The following DPP6 variants were observed in gnomAD, a reference collection of about 807,000 sequenced individuals.
DPP6 encodes the protein A-type potassium channel modulatory protein DPP6.
DPP6 carries 69 observed loss-of-function variants against 122.6 expected under a neutral mutation model. The observed-to-expected ratio is 0.56, with a 90% CI of 0.46 to 0.69. The LOEUF is 0.69. Ranked by LOEUF, DPP6 falls within the 30% of genes least tolerant of loss-of-function variation. The pLI, the probability that DPP6 is intolerant of heterozygous loss-of-function variation, is 0.00. For synonymous variants in DPP6, 418 were observed against 433.1 expected, an observed-to-expected ratio of 0.97 and a Z score of 0.43; for missense variants, 928 against 1,116.9, an observed-to-expected ratio of 0.83 and a Z score of 2.41.
chr7:154,684,089 G>A (rs752472345), intron 7 of DPP6, among the ~76,000 whole-genome samples: 1 of 152,054 alleles, frequency 6.6e-6, no homozygotes, highest in Non-Finnish European at 1.5e-5. Flanking sequence ...AAGCTGGTCT[G>A]GAACTCCTGC....
intron 1 of DPP6, among the ~76,000 whole-genome samples, chr7:154,043,669 GCATT>G (rs1260806439): frequency 3.4e-5 from 5 of 146,178 alleles, no homozygotes; most frequent in African/African-American, 1.3e-4. Flanking sequence ...GGGAAACTCA[GCATT>G]CATTGAGACC....
At chr7:154,215,973 C>T (rs4401762) in intron 1 of DPP6, among the ~76,000 whole-genome samples, 117,262 of 151,828 alleles carry the variant, frequency 0.77, 45,734 homozygotes, top group Non-Finnish European at 0.82. Flanking sequence ...TTCTAAAAGG[C>T]TGCAGAGAGG....
intron 1 of DPP6, among the ~76,000 whole-genome samples, chr7:154,079,059 C>G (rs544770100): frequency 2.4e-4 from 36 of 151,802 alleles, no homozygotes; most frequent in Non-Finnish European, 4.7e-4. Flanking sequence ...GAGATGGAGA[C>G]CATCCTGGCC....
At chr7:153,830,306 G>A in the DPP6 span, among the ~76,000 whole-genome samples, 1 of 152,182 alleles carries the variant, frequency 6.6e-6, no homozygotes, top group Non-Finnish European at 1.5e-5. Flanking sequence ...GCTTGGAAGG[G>A]TTTCAAAGCT....
chr7:154,426,701 CT>C (rs1817943707), intron 1 of DPP6, among the ~76,000 whole-genome samples: 1 of 150,938 alleles, frequency 6.6e-6, no homozygotes, highest in Non-Finnish European at 1.5e-5. Context: ...ACTTGCTGCT[CT>C]GGTTACTTGG....
intron 1 of DPP6, among the ~76,000 whole-genome samples, chr7:154,173,108 A>G (rs1797619012): frequency 6.6e-6 from 1 of 152,186 alleles, no homozygotes. Context: ...CCTCACTAAT[A>G]TCTTTCAGAG....
intron 1 of DPP6, among the ~76,000 whole-genome samples, chr7:154,408,079 T>C (rs1298613232): frequency 6.6e-6 from 1 of 152,194 alleles, no homozygotes; most frequent in Admixed American, 6.5e-5. Context: ...TTGTTAGAAA[T>C]AGTAGTAATA....
the DPP6 span, among the ~76,000 whole-genome samples, chr7:153,871,765 G>A: frequency 6.6e-6 from 1 of 152,130 alleles, no homozygotes; most frequent in African/African-American, 2.4e-5. Flanking sequence ...CTATAGACTG[G>A]AGCTCTTCCT....
chr7:154,239,977 G>A (rs1279371223), intron 1 of DPP6, among the ~76,000 whole-genome samples: 1 of 110,950 alleles, frequency 9.0e-6, no homozygotes, highest in Admixed American at 1.3e-4. Flanking sequence ...GGGAGACAGA[G>A]TAAGATGCTG....
intron 10 of DPP6, among the ~76,000 whole-genome samples, chr7:154,791,220 C>T (rs1290216936): frequency 6.6e-6 from 1 of 151,924 alleles, no homozygotes; most frequent in Non-Finnish European, 1.5e-5. Flanking sequence ...TGCCACTGCA[C>T]TCCAGCCTGG....
At chr7:154,587,972 A>G (rs1832573645) in intron 5 of DPP6, 2 of 1,612,012 alleles carry the variant, frequency 1.2e-6, no homozygotes, top group Admixed American at 1.7e-5. Context: ...GCCCTCAGGC[A>G]GCACTGTCCA....
intron 1 of DPP6, among the ~76,000 whole-genome samples, chr7:154,311,012 C>T (rs1806825329): frequency 2.6e-5 from 4 of 152,072 alleles, no homozygotes; most frequent in South Asian, 2.1e-4. Flanking sequence ...GTATATAATT[C>T]GGGGAGAAAG....
At chr7:154,406,137 G>A (rs1816066784) in intron 1 of DPP6, among the ~76,000 whole-genome samples, 2 of 152,136 alleles carry the variant, frequency 1.3e-5, no homozygotes, top group Non-Finnish European at 2.9e-5. Flanking sequence ...GAAGATTCTT[G>A]TCAAATGTCA....
chr7:154,741,412 C>G (rs1842816989), intron 8 of DPP6, among the ~76,000 whole-genome samples: 1 of 152,228 alleles, frequency 6.6e-6, no homozygotes, highest in Admixed American at 6.5e-5. Flanking sequence ...AGCGCAAGGC[C>G]AAGCTCCATC....
Position 154,232,361 on chromosome 7 carries a change from TCTC to T in DPP6, c.243+179302_243+179304del, listed in dbSNP as rs148241469. 5.6e-3 allele frequency among the ~76,000 whole-genome samples: 853 copies of T among 152,222 alleles called. 12 individuals carry two copies. The highest frequency in any genetic ancestry group is 0.019 in the African/African-American group (801 of 41,538). ...ATTTGGAAGCTCAGGGAGGCAGACT[TCTC>T]CTCTGGAGTGATCATCTACTGATAG... is the stretch of plus-strand genomic sequence containing the variant. On this transcript the variant is annotated intron_variant, in intron 1 of 25. Coordinates refer to ENST00000377770, the MANE Select transcript of DPP6 (RefSeq NM_130797.4).
At chr7:153,839,726 T>TA in the DPP6 span, among the ~76,000 whole-genome samples, 1 of 152,202 alleles carries the variant, frequency 6.6e-6, no homozygotes, top group African/African-American at 2.4e-5. Context: ...ATGGATCCAG[T>TA]GGTTCTCAAC....
intron 5 of DPP6, among the ~76,000 whole-genome samples, chr7:154,619,608 T>G (rs1586746034): frequency 6.6e-6 from 1 of 152,088 alleles, no homozygotes; most frequent in Non-Finnish European, 1.5e-5. Flanking sequence ...TAAAAATTTG[T>G]GAAAGAGCCC....
intron 7 of DPP6, among the ~76,000 whole-genome samples, chr7:154,693,718 C>T (rs768491331): frequency 6.6e-5 from 10 of 152,174 alleles, no homozygotes; most frequent in African/African-American, 1.4e-4. Flanking sequence ...AAAACCCTGA[C>T]GTGTGACATC....
intron 1 of DPP6, among the ~76,000 whole-genome samples, chr7:154,254,939 T>C (rs1239256008): frequency 6.6e-6 from 1 of 151,986 alleles, no homozygotes; most frequent in Admixed American, 6.6e-5. Flanking sequence ...GAAACGCAAA[T>C]TGTATTTCCT....
Sources: gnomAD v4.1 joint callset for allele counts (sites outside exome capture counted in the v4.1 genomes callset) on GRCh38, gnomAD v4.1.1 for gene constraint, MANE v1.5 for transcripts, NCBI Gene and HGNC (gene_info 2026-07-23, HGNC 2026-07-21) for gene names.